The following NCALD variants were observed in gnomAD, a reference collection of about 807,000 sequenced individuals.
The protein encoded by NCALD is neurocalcin-delta.
NCALD carries 10 observed loss-of-function variants against 18.6 expected under a neutral mutation model. The observed-to-expected ratio is 0.54, with a 90% CI of 0.33 to 0.91. The LOEUF (loss-of-function observed/expected upper bound fraction) is 0.91. Ranked by LOEUF, NCALD falls within the 40% of genes least tolerant of loss-of-function variation. The pLI, the probability that NCALD is intolerant of heterozygous loss-of-function variation, is 0.03. For synonymous variants in NCALD, 88 were observed against 87.4 expected (o/e 1.01, Z -0.04); for missense variants, 184 against 247.6 (o/e 0.74, Z 1.72).
chr8:101,945,474 A>T (rs886669547), intron 2 of NCALD, among the ~76,000 whole-genome samples: 2 of 152,204 alleles, frequency 1.3e-5, no homozygotes, highest in African/African-American at 4.8e-5. Context: ...GAATAATAGA[A>T]GGTCTCATGT....
At position 101,758,378 on chromosome 8, in the gene NCALD, C is replaced by T. The variant is rs186576896; in HGVS notation, c.-20+32484G>A. ...CCTACTCATCCTGCCTGGATTCCCACCAAATAAAGCCTGAAACAAGTGCTT... is the reference window on the plus strand; with the variant it reads ...CCTACTCATCCTGCCTGGATTCCCATCAAATAAAGCCTGAAACAAGTGCTT... On this transcript the variant is annotated intron_variant, in intron 1 of 3. Coordinates refer to ENST00000220931, the MANE Select transcript of NCALD (RefSeq NM_032041.3). 3.2e-3 allele frequency among the ~76,000 whole-genome samples: 482 copies of T among 152,288 alleles called. 3 individuals carry two copies. The highest frequency in any genetic ancestry group is 0.014 in the Middle Eastern group (4 of 294).
intron 1 of NCALD, among the ~76,000 whole-genome samples, chr8:102,064,619 C>T (rs147415529): frequency 7.2e-4 from 110 of 152,320 alleles, no homozygotes; most frequent in African/African-American, 2.1e-3. Context: ...CAGCATTCCA[C>T]GACAGAGAGC....
At chr8:101,966,530 C>T (rs945302582) in intron 2 of NCALD, among the ~76,000 whole-genome samples, 1 of 151,078 alleles carries the variant, frequency 6.6e-6, no homozygotes, top group East Asian at 2.0e-4. Flanking sequence ...ATACCTAATG[C>T]TAAATGACGA....
Position 101,689,193 on chromosome 8 carries a change from G to C in NCALD, c.*116C>G, listed in dbSNP as rs747056430. The C allele has an allele frequency of 5.3e-6, 5 of 945,674 alleles. No homozygotes were observed. The highest frequency in any genetic ancestry group is 5.0e-6 in the Non-Finnish European group (3 of 602,580). 58.6% of individuals were successfully genotyped at this position (945,674 alleles called of 1,614,324 possible). On this transcript the variant is annotated 3_prime_UTR_variant, in exon 4 of 4. Transcript: ENST00000220931. The surrounding 1 kb of genome is among the most constrained non-coding windows in gnomAD (Gnocchi z 4.4). ...GTCACGGAGGAAGGCGCATCAGACC[G>C]CACAGGGGACGGCATCACCATTGAT...
At chr8:101,967,715 G>A (rs1820081947) in intron 2 of NCALD, among the ~76,000 whole-genome samples, 1 of 152,082 alleles carries the variant, frequency 6.6e-6, no homozygotes, top group Non-Finnish European at 1.5e-5. Context: ...GCCCCACACT[G>A]CCACCAGCAA....
chr8:101,819,001 C>T (rs902262969), intron 4 of NCALD, among the ~76,000 whole-genome samples: 1 of 151,942 alleles, frequency 6.6e-6, no homozygotes, highest in African/African-American at 2.4e-5. Flanking sequence ...GAGACTCCAT[C>T]TCAAAAAATA....
Position 101,687,779 on chromosome 8 carries a change from C to T in NCALD, c.*1530G>A, listed in dbSNP as rs1814532222. On this transcript the variant is annotated 3_prime_UTR_variant, in exon 4 of 4. Coordinates refer to ENST00000220931, the MANE Select transcript of NCALD (RefSeq NM_032041.3). ...TAACTACTTGCAAGAGTATGACTCGCCTGTAACCAGCAAATTTTTACTCTT... is the reference window on the plus strand; with the variant it reads ...TAACTACTTGCAAGAGTATGACTCGTCTGTAACCAGCAAATTTTTACTCTT... The T allele has an allele frequency of 6.6e-6, 1 of 152,204 alleles. No individual in the cohort carries two copies. Among genetic ancestry groups the T allele is most frequent in the African/African-American group, 2.4e-5 (1 of 41,452 alleles). The allele number at this position is 152,204 out of a possible 1,614,324, so 9.4% of individuals were successfully genotyped here.
chr8:101,953,352 G>A (rs112977272), intron 2 of NCALD, among the ~76,000 whole-genome samples: 4 of 152,330 alleles, frequency 2.6e-5, no homozygotes, highest in African/African-American at 7.2e-5. Flanking sequence ...GATGTGAACC[G>A]AGGGTCAGCT....
intron 4 of NCALD, among the ~76,000 whole-genome samples, chr8:101,839,973 C>T (rs570794665): frequency 1.3e-5 from 2 of 152,102 alleles, no homozygotes; most frequent in South Asian, 2.1e-4. Flanking sequence ...CCAGGCAGTG[C>T]TAAATTAGAT....
intron 3 of NCALD, among the ~76,000 whole-genome samples, chr8:101,912,247 C>A (rs1817826781): frequency 6.7e-6 from 1 of 150,246 alleles, no homozygotes; most frequent in Non-Finnish European, 1.5e-5. Flanking sequence ...TTTTAAAACA[C>A]AAGCATTAAA....
intron 3 of NCALD, chr8:101,691,854 T>G: frequency 2.0e-6 from 2 of 985,402 alleles, no homozygotes; most frequent in Non-Finnish European, 2.4e-6. Context: ...CAAGTGCCTG[T>G]GCACATGGTT....
Position 101,881,143 on chromosome 8 carries a change from C to T in NCALD, c.-20+5998G>A, listed in dbSNP as rs185158308. On this transcript the variant is annotated intron_variant, in intron 4 of 6. Coordinates refer to the NCALD transcript ENST00000311028. ...ATTTCACTTTCATAAAACCACCTAA[C>T]GAAATATCTATTAAAATAAAAAAAT... is the stretch of plus-strand genomic sequence containing the variant. 1.2e-4 allele frequency among the ~76,000 whole-genome samples: 18 copies of T among 151,924 alleles called. 1 individual carries two copies. The highest frequency in any genetic ancestry group is 5.8e-4 in the East Asian group (3 of 5,184).
In NCALD at chr8:101,697,272, A is replaced by G. The variant is rs1815042134; in HGVS notation, c.379-4376T>C. Among the ~76,000 whole-genome samples the G allele has an allele frequency of 1.3e-5, 2 of 152,214 alleles. 1 individual carries two copies. Among genetic ancestry groups the G allele is most frequent in the South Asian group, 4.1e-4 (2 of 4,836 alleles). On this transcript the variant is annotated intron_variant, in intron 2 of 3. Coordinates refer to ENST00000220931, the MANE Select transcript of NCALD (RefSeq NM_032041.3). ...AGAAGTTAAATCCCTGAATAGACCA[A>G]TAACAAGTTCTGAAATTGAGGCAGT...
At chr8:101,853,275 G>A (rs539663) in intron 4 of NCALD, among the ~76,000 whole-genome samples, 56,514 of 152,076 alleles carry the variant, frequency 0.37, 13,257 homozygotes, top group African/African-American at 0.66. Flanking sequence ...AATAAACAAG[G>A]AAACAGAAAA....
chr8:101,849,147 C>T (rs1425794879), intron 4 of NCALD, among the ~76,000 whole-genome samples: 1 of 152,034 alleles, frequency 6.6e-6, no homozygotes, highest in East Asian at 1.9e-4. Context: ...TAAGTGGGAG[C>T]TGAATGATGA....
intron 3 of NCALD, among the ~76,000 whole-genome samples, chr8:101,907,385 G>A (rs142272294): frequency 1.8e-3 from 267 of 152,154 alleles, no homozygotes; most frequent in African/African-American, 6.0e-3. Flanking sequence ...AGAAACTCTT[G>A]TGCCATACTC....
At chr8:101,961,428 T>C (rs1450210713) in intron 2 of NCALD, among the ~76,000 whole-genome samples, 1 of 152,194 alleles carries the variant, frequency 6.6e-6, no homozygotes, top group African/African-American at 2.4e-5. Context: ...TCTTCCAGGA[T>C]TCAAGTTCAA....
At chr8:102,113,830 G>A (rs1165983540) in intron 1 of NCALD, among the ~76,000 whole-genome samples, 1 of 152,164 alleles carries the variant, frequency 6.6e-6, no homozygotes, top group Non-Finnish European at 1.5e-5. Flanking sequence ...TTTTTTAAAA[G>A]GTATGTAAGA....
chr8:101,836,049 T>C (rs1308080685), intron 4 of NCALD, among the ~76,000 whole-genome samples: 2 of 152,034 alleles, frequency 1.3e-5, no homozygotes, highest in African/African-American at 4.8e-5. Flanking sequence ...TCCATCATCA[T>C]CTGTGGAACT....
Sources: gnomAD v4.1 joint callset for allele counts (sites outside exome capture counted in the v4.1 genomes callset) on GRCh38, gnomAD v4.1.1 for gene constraint, Gnocchi (gnomAD v3.1) non-coding constraint, MANE v1.5 for transcripts, NCBI Gene and HGNC (gene_info 2026-07-23, HGNC 2026-07-21) for gene names.